STON2: variants seen among roughly 807,000 people sequenced by gnomAD.
STON2 encodes the protein stonin 2.
STON2 carries 29 observed loss-of-function variants against 65.7 expected under a neutral mutation model. That is an observed-to-expected ratio of 0.44 (90% confidence interval 0.33 to 0.60). The LOEUF is 0.60. STON2 is among the 20% of genes least tolerant of loss of function. The pLI, the probability that STON2 is intolerant of heterozygous loss-of-function variation, is 0.03. For missense variants in STON2, 1,054 were observed against 1,118.1 expected (o/e 0.94, Z 0.82); for synonymous variants, 404 against 414.2 (o/e 0.98, Z 0.30).
chr14:81,373,438 T>A (rs1009831678), intron 3 of STON2, among the ~76,000 whole-genome samples: 1 of 152,218 alleles, frequency 6.6e-6, no homozygotes, highest in Non-Finnish European at 1.5e-5. Context: ...CCATTTCCTA[T>A]AGTATGGTGG....
intron 1 of STON2, among the ~76,000 whole-genome samples, chr14:81,432,818 C>T (rs1902272778): frequency 6.6e-6 from 1 of 152,254 alleles, no homozygotes; most frequent in South Asian, 2.1e-4. Flanking sequence ...ATGGCCAGAG[C>T]CAGCCTTCAG....
intron 2 of STON2, among the ~76,000 whole-genome samples, chr14:81,409,381 C>T (rs899218698): frequency 2.0e-5 from 3 of 149,868 alleles, no homozygotes; most frequent in Non-Finnish European, 4.4e-5. Context: ...CTCTAGCCTG[C>T]GTGACAGAGT....
intron 4 of STON2, among the ~76,000 whole-genome samples, chr14:81,356,459 C>G (rs7159838): frequency 0.032 from 4,910 of 152,130 alleles, 295 homozygotes; most frequent in African/African-American, 0.11. Context: ...GGATATTGGT[C>G]TAAAATTCTC....
In STON2 at chr14:81,308,596, C is replaced by T. The variant is rs778507235; in HGVS notation, c.742+15421G>A. ...GGGGCATTTATTCAAGGGTATCCCT[C>T]TTGGCGTCTAATAAGGCCTGGCCAC... On this transcript the variant is annotated intron_variant, in intron 5 of 7. Coordinates refer to ENST00000614646, the MANE Select transcript of STON2 (RefSeq NM_001394390.1). Among the ~76,000 whole-genome samples, 112 of 151,806 alleles carry T rather than the reference C, an allele frequency of 7.4e-4. 1 individual carries two copies. Among genetic ancestry groups the T allele is most frequent in the Non-Finnish European group, 1.0e-3 (70 of 67,988 alleles).
intron 5 of STON2, among the ~76,000 whole-genome samples, chr14:81,281,022 A>AG (rs1007071240): frequency 3.3e-5 from 5 of 151,828 alleles, no homozygotes; most frequent in African/African-American, 1.2e-4. Context: ...AAAAAAAAAA[A>AG]AAAAGAAAAG....
At chr14:81,371,968 C>T (rs1404724409) in intron 3 of STON2, among the ~76,000 whole-genome samples, 1 of 152,084 alleles carries the variant, frequency 6.6e-6, no homozygotes, top group Non-Finnish European at 1.5e-5. Context: ...ATGTATGTGG[C>T]ATGCCCCTGC....
intron 1 of STON2, among the ~76,000 whole-genome samples, chr14:81,434,602 G>A (rs1213739472): frequency 1.3e-5 from 2 of 152,124 alleles, no homozygotes; most frequent in African/African-American, 4.8e-5. Context: ...TAGCCTATGG[G>A]TTGGGGGATA....
chr14:81,387,340 T>A (rs1899862547), intron 3 of STON2, among the ~76,000 whole-genome samples: 2 of 152,154 alleles, frequency 1.3e-5, no homozygotes, highest in South Asian at 4.1e-4. Context: ...GTGGCTAATT[T>A]AAGTATTTGA....
chr14:81,398,168 AAAGT>A (rs1324730812), intron 2 of STON2, 123 bp downstream of exon 2: 87 of 630,992 alleles, frequency 1.4e-4, no homozygotes, highest in Middle Eastern at 8.3e-4. Flanking sequence ...CTCAAGAAAG[AAAGT>A]GAGAAACTGA....
chr14:81,265,174 C>G lies in STON2; in HGVS notation c.*3240G>C, dbSNP rs1019950001. The G allele has an allele frequency of 5.1e-6, 5 of 982,746 alleles. No homozygotes were observed. The highest frequency in any genetic ancestry group is 1.2e-4 in the Admixed American group (2 of 16,162). The allele number at this position is 982,746 out of a possible 1,614,324, so 60.9% of individuals were successfully genotyped here. On this transcript the variant is annotated 3_prime_UTR_variant, in exon 8 of 8. Transcript: ENST00000614646. ...CAACTGTTTTCTATGTAGGTTATTA[C>G]ATAGCTAATTTGCCCACTTGTATTT...
At chr14:81,424,980 G>A (rs1901896071) in intron 2 of STON2, among the ~76,000 whole-genome samples, 1 of 152,134 alleles carries the variant, frequency 6.6e-6, no homozygotes, top group Non-Finnish European at 1.5e-5. Flanking sequence ...CATACATTTG[G>A]TCCTGACACC....
intron 2 of STON2, chr14:81,418,200 G>T: frequency 6.5e-6 from 1 of 153,430 alleles, no homozygotes; most frequent in Non-Finnish European, 1.5e-5. Context: ...AATCATGGCA[G>T]AAGGGAAGGA....
At chr14:81,313,464 T>G (rs1288629791) in intron 5 of STON2, among the ~76,000 whole-genome samples, 1 of 151,578 alleles carries the variant, frequency 6.6e-6, no homozygotes, top group Non-Finnish European at 1.5e-5. Context: ...TCACAACTCT[T>G]CAGTCTCACA....
intron 2 of STON2, among the ~76,000 whole-genome samples, chr14:81,410,278 C>CAAAAAAAAAAAAAAAAAAAAAAAAAA (rs1161157573): frequency 2.2e-5 from 1 of 45,778 alleles, no homozygotes; most frequent in Non-Finnish European, 4.9e-5. Context: ...TAACTCTAAC[C>CAAAAAAAAAAAAAAAAAAAAAAAAAA]AAAAAAAAAA....
chr14:81,274,423 C>T (rs1163771554), intron 6 of STON2, among the ~76,000 whole-genome samples: 1 of 152,180 alleles, frequency 6.6e-6, no homozygotes, highest in African/African-American at 2.4e-5. Flanking sequence ...CTTGAGGCAA[C>T]AGAACACTCT....
chr14:81,276,321 T>A (rs918037096), intron 6 of STON2, among the ~76,000 whole-genome samples: 1 of 152,258 alleles, frequency 6.6e-6, no homozygotes, highest in Non-Finnish European at 1.5e-5. Flanking sequence ...TCTGGCCCTT[T>A]TAGAAATTCA....
Position 81,263,974 on chromosome 14 carries a change from A to T in STON2, c.*4440T>A. ...TCCATCTTACTGTGGTGACAAAATA[A>T]ATGCAAAGTAACGGTCAGCGGTTAG... On this transcript the variant is annotated 3_prime_UTR_variant, in exon 8 of 8. Coordinates refer to ENST00000614646, the MANE Select transcript of STON2 (RefSeq NM_001394390.1). 1 of 985,436 alleles carries T rather than the reference A, an allele frequency of 1.0e-6. No homozygotes were observed. Among genetic ancestry groups the T allele is most frequent in the Non-Finnish European group, 1.2e-6 (1 of 829,932 alleles). 61.0% of individuals were successfully genotyped at this position (985,436 alleles called of 1,614,324 possible).
Position 81,263,693 on chromosome 14 carries a change from C to A in STON2, c.*4721G>T, listed in dbSNP as rs1894250177. 3.0e-6 allele frequency: 3 copies of A among 984,096 alleles called. No homozygotes were observed. Among genetic ancestry groups the A allele is most frequent in the Non-Finnish European group, 1.2e-6 (1 of 828,906 alleles). 61.0% of individuals were successfully genotyped at this position (984,096 alleles called of 1,614,324 possible). On this transcript the variant is annotated 3_prime_UTR_variant, in exon 8 of 8. Coordinates refer to ENST00000614646, the MANE Select transcript of STON2 (RefSeq NM_001394390.1). The stretch of plus-strand genomic sequence containing the variant: ...AAGCCAAAAGATTGGACCTCCCTGA[C>A]TAAGGTCTAGATATGCTGGAATTAA...
At chr14:81,343,580 C>A (rs1595374692) in intron 4 of STON2, among the ~76,000 whole-genome samples, 1 of 152,132 alleles carries the variant, frequency 6.6e-6, no homozygotes, top group Non-Finnish European at 1.5e-5. Flanking sequence ...ATAAAAGAAA[C>A]CGCCTTTATG....
Sources: allele counts gnomAD v4.1 joint callset (sites outside exome capture counted in the v4.1 genomes callset), GRCh38; gene constraint gnomAD v4.1.1; transcripts MANE v1.5; gene names NCBI Gene and HGNC (gene_info 2026-07-23, HGNC 2026-07-21).